BCO2: variants seen among roughly 807,000 people sequenced by gnomAD.
BCO2 encodes the protein carotenoid-cleaving dioxygenase, mitochondrial.
In BCO2, 56 loss-of-function variants were observed where a neutral mutation model predicts 65.8. That is an observed-to-expected ratio of 0.85 (90% CI 0.69 to 1.06). The LOEUF is 1.06. Among genes scored for constraint, BCO2 ranks in the 50% least tolerant of loss-of-function variants. BCO2 has a pLI of 0.00. For synonymous variants in BCO2, 233 were observed against 242.3 expected (o/e 0.96, Z 0.36); for missense variants, 675 against 698.5 (o/e 0.97, Z 0.38).
chr11:112,216,558 C>T (rs1368686890), intron 11 of BCO2, among the ~76,000 whole-genome samples: 2 of 152,164 alleles, frequency 1.3e-5, no homozygotes, highest in East Asian at 1.9e-4. Context: ...TTGTTATTTA[C>T]GAACTACTTA....
chr11:112,179,297 A>C lies in BCO2; in HGVS notation c.108A>C (p.Gly36=). ...HRLPVFKRYM[G]NTPQKKAVFG... ...GCACAGTTTTCAAAAGGTACATGGG[A>C]AATACTCCTCAGAAAAAAGCCGTCT... is the stretch of plus-strand genomic sequence containing the variant. The change falls in exon 2 of 12, where the codon GGA becomes GGC. Residue 36 remains glycine, a synonymous_variant. Transcript: ENST00000357685. 6.2e-7 allele frequency: 1 copy of C among 1,614,130 alleles called. No individual in the cohort carries two copies. The highest frequency in any genetic ancestry group is 8.5e-7 in the Non-Finnish European group (1 of 1,180,018).
At chr11:112,189,885 T>G (rs1158967872) in intron 2 of BCO2, among the ~76,000 whole-genome samples, 1 of 152,208 alleles carries the variant, frequency 6.6e-6, no homozygotes, top group Non-Finnish European at 1.5e-5. Flanking sequence ...TGAAGGAAAC[T>G]TCCCTATTGT....
Position 112,217,848 on chromosome 11 carries a change from T to G in BCO2, c.1714T>G (p.Phe572Val). The part of the protein sequence containing the change: ...AEVPVQMPYG[F>V]HGTFIPI ...GGTACCTGTGCAGATGCCTTATGGG[T>G]TCCATGGTACCTTCATACCCATCTG... Residue 572 changes from phenylalanine to valine, a missense_variant, in exon 12 of 12, where the codon TTC becomes GTC. Transcript: ENST00000357685. The G allele has an allele frequency of 1.9e-6, 3 of 1,613,714 alleles. No individual in the cohort carries two copies. In the African/African-American group the frequency reaches 4.0e-5, roughly 22 times the overall value.
At chr11:112,217,056 T>C (rs1320432110) in intron 11 of BCO2, among the ~76,000 whole-genome samples, 4 of 152,224 alleles carry the variant, frequency 2.6e-5, no homozygotes, top group Non-Finnish European at 5.9e-5. Context: ...TGCTGGCCTT[T>C]AAACAGCTCC....
At position 112,207,074 on chromosome 11, in the gene BCO2, C is replaced by T. The variant is rs141638613; in HGVS notation, c.1194+4884C>T. 4.0e-3 allele frequency among the ~76,000 whole-genome samples: 603 copies of T among 152,258 alleles called. 2 individuals carry two copies. The highest frequency in any genetic ancestry group is 6.5e-3 in the Non-Finnish European group (441 of 68,012). ...TCACTTATTAGTTCAAATAGTTGATCCACAGATTATTTTGGATTTTCTATG... is the reference window on the plus strand; with the variant it reads ...TCACTTATTAGTTCAAATAGTTGATTCACAGATTATTTTGGATTTTCTATG... On this transcript the variant is annotated intron_variant, in intron 8 of 11. Transcript: ENST00000357685.
intron 9 of BCO2, 173 bp from the exon 10 acceptor site, chr11:112,214,589 A>G (rs990148487): frequency 3.4e-6 from 2 of 591,000 alleles, no homozygotes; most frequent in Admixed American, 6.2e-5. Flanking sequence ...CTTGATAATC[A>G]TTATGCATCC....
chr11:112,194,715 T>A lies in BCO2; in HGVS notation c.696T>A (p.Asp232Glu), dbSNP rs1473467371. 2.5e-6 allele frequency: 4 copies of A among 1,612,802 alleles called. No homozygotes were observed. Among genetic ancestry groups the A allele is most frequent in the East Asian group, 2.2e-5 (1 of 44,862 alleles). ...CTGCACATCCTCATTATGACCTGGA[T>A]GGAACAGCATACAATATGGGGAACT... The part of the protein sequence containing the change: ...GATAHPHYDL[D>E]GTAYNMGNSF... The change falls in exon 5 of 12, where the codon GAT (aspartate) becomes GAA (glutamate). Residue 232 changes from aspartate (D) to glutamate (E), a missense_variant. By Grantham distance (45) the Asp-to-Glu change is conservative. Transcript: ENST00000357685.
intron 8 of BCO2, among the ~76,000 whole-genome samples, chr11:112,211,319 T>TACACAC (rs71060232): frequency 2.3e-5 from 3 of 128,452 alleles, no homozygotes; most frequent in African/African-American, 6.4e-5. Flanking sequence ...TTCGATTGTA[T>TACACAC]ACACACACAC....
At chr11:112,179,540 A>G in intron 2 of BCO2, 58 bp downstream of exon 2, 1 of 1,393,228 alleles carries the variant, frequency 7.2e-7, no homozygotes, top group Non-Finnish European at 1.0e-6. Context: ...GTTCTGTGGA[A>G]TATGCATTAA....
intron 2 of BCO2, among the ~76,000 whole-genome samples, chr11:112,192,943 T>TTTTTTTTTTTTTTTG (rs1555195002): frequency 1.5e-5 from 2 of 129,430 alleles, no homozygotes; most frequent in African/African-American, 5.9e-5. Flanking sequence ...TTTTTTTTTT[T>TTTTTTTTTTTTTTTG]GACAGGGGTA....
rs1473090097 is a variant in BCO2 at position 112,193,659 on chromosome 11, G to A, written c.479G>A (p.Arg160His). Residue 160 changes from arginine to histidine, a missense_variant, in exon 3 of 12, where the codon CGT (arginine) becomes CAT (histidine). By Grantham distance (29) the Arg-to-His change is conservative (BLOSUM62 0). Coordinates refer to ENST00000357685, the MANE Select transcript of BCO2 (RefSeq NM_031938.7). ...GATCCATGCAAGAATGTTTTTGAAC[G>A]TTTCATGTCCAGGTTTGAGCTGCCT... ...LPDPCKNVFE[R>H]FMSRFELPGK... 11 of 1,613,972 alleles carry A rather than the reference G, an allele frequency of 6.8e-6. No homozygotes were observed. The highest frequency in any genetic ancestry group is 2.2e-5 in the South Asian group (2 of 91,072).
rs1051589996 is a variant in BCO2, at chr11:112,193,390, T to A, written c.294-84T>A. ...CCTGTCCCATTTCCTTATCTTTATA[T>A]TTGAAATGAAGATCTATCACTCTGT... On this transcript the variant is annotated intron_variant, in intron 2 of 11. Coordinates refer to ENST00000357685, the MANE Select transcript of BCO2 (RefSeq NM_031938.7). 4.0e-6 allele frequency: 5 copies of A among 1,240,082 alleles called. No homozygotes were observed. The African/African-American group carries it at 7.5e-5, about 19-fold the overall frequency. 76.8% of individuals were successfully genotyped at this position (1,240,082 alleles called of 1,614,324 possible).
In BCO2 at chr11:112,200,526, G is replaced by A. The variant is rs930992110; in HGVS notation, c.866-87G>A. The A allele has an allele frequency of 5.5e-5, 65 of 1,188,958 alleles. 1 individual carries two copies. The highest frequency in any genetic ancestry group is 7.3e-5 in the Non-Finnish European group (61 of 838,442). The allele number at this position is 1,188,958 out of a possible 1,614,324, so 73.7% of individuals were successfully genotyped here. A position where few individuals can be genotyped will look rare whatever the true frequency, so the allele number is the denominator to read the frequency against. ...TTTAGGGCATCAGTAACGTGTCCAG[G>A]CATTCAGACAAGTCCCCATAACTGG... On this transcript the variant is annotated intron_variant, in intron 6 of 11. Transcript: ENST00000357685.
chr11:112,181,941 G>T (rs1280202327), intron 2 of BCO2: 14 of 583,800 alleles, frequency 2.4e-5, no homozygotes, highest in Middle Eastern at 4.8e-4. Context: ...GAAAATTTTT[G>T]CAATCTACCC....
At chr11:112,182,678 A>G (rs1468659641) in intron 2 of BCO2, among the ~76,000 whole-genome samples, 2 of 149,834 alleles carry the variant, frequency 1.3e-5, no homozygotes, top group Non-Finnish European at 3.0e-5. Flanking sequence ...AGGATGGGGA[A>G]CATCACACAC....
rs1257706979 is a variant in BCO2, at chr11:112,213,894, T to C, written c.1332+33T>C. 38 of 1,452,764 alleles carry C rather than the reference T, an allele frequency of 2.6e-5. 6 individuals are homozygous for C. Among genetic ancestry groups the C allele is most frequent in the Non-Finnish European group, 3.5e-5 (37 of 1,066,574 alleles). 90.0% of individuals were successfully genotyped at this position (1,452,764 alleles called of 1,614,324 possible). ...ATGAACAGACATTAGACTAAGACTT[T>C]GAACTTTAATGGTGTTACTTTATTC... On this transcript the variant is annotated intron_variant, in intron 9 of 11. Coordinates refer to ENST00000357685, the MANE Select transcript of BCO2 (RefSeq NM_031938.7).
At chr11:112,188,433 C>T (rs543478156) in intron 2 of BCO2, among the ~76,000 whole-genome samples, 24 of 151,762 alleles carry the variant, frequency 1.6e-4, no homozygotes, top group Non-Finnish European at 3.2e-4. Flanking sequence ...TCCAGGATGC[C>T]GGTCACACAG....
rs777303682 is a variant in BCO2 at position 112,175,639 on chromosome 11, A to G, written c.38A>G (p.His13Arg). The change falls in exon 1 of 12, where the codon CAT becomes CGT. Residue 13 changes from histidine (H) to arginine (R), a missense_variant. Transcript: ENST00000357685. ...FRVFLHFIRS[H>R]SATAVDFLPV... is the part of the protein sequence containing the mutation. The stretch of plus-strand genomic sequence containing the variant: ...GTCTTTCTCCATTTTATCAGGAGTC[A>G]TTCTGCCACTGCAGTGGATTTCCTT... The G allele has an allele frequency of 1.2e-6, 2 of 1,614,138 alleles. No individual in the cohort carries two copies. The highest frequency in any genetic ancestry group is 2.2e-5 in the South Asian group (2 of 91,084).
chr11:112,199,418 C>G (rs1262081768), intron 5 of BCO2, among the ~76,000 whole-genome samples: 2 of 152,174 alleles, frequency 1.3e-5, no homozygotes, highest in African/African-American at 4.8e-5. Flanking sequence ...TGGCTGCTAT[C>G]TTAATGTTTC....
Sources: gnomAD v4.1 joint callset for allele counts (sites outside exome capture counted in the v4.1 genomes callset) on GRCh38, gnomAD v4.1.1 for gene constraint, MANE v1.5 for transcripts, NCBI Gene and HGNC (gene_info 2026-07-23, HGNC 2026-07-21) for gene names.